The following MGRN1 variants were observed in gnomAD, a reference collection of about 807,000 sequenced individuals.
MGRN1 encodes the protein E3 ubiquitin-protein ligase MGRN1.
In MGRN1, 29 loss-of-function variants were observed where a neutral mutation model predicts 69.2. The observed-to-expected ratio is 0.42, with a 90% confidence interval of 0.31 to 0.57. The LOEUF (loss-of-function observed/expected upper bound fraction) is 0.57, where lower values mean the gene tolerates loss of function less well. Among genes scored for constraint, MGRN1 ranks in the 20% least tolerant of loss-of-function variants. The pLI, the probability that MGRN1 is intolerant of heterozygous loss-of-function variation, is 0.15. For missense variants in MGRN1, 998 were observed against 796.2 expected, an observed-to-expected ratio of 1.25 and a Z score of -3.05; for synonymous variants, 470 against 344.2, an observed-to-expected ratio of 1.37 and a Z score of -4.04.
chr16:4,670,588 C>T (rs769514657), intron 8 of MGRN1, among the ~76,000 whole-genome samples: 6 of 152,214 alleles, frequency 3.9e-5, no homozygotes, highest in Non-Finnish European at 8.8e-5. Context: ...GGTGCAGTGG[C>T]TTATGCCTAT....
chr16:4,658,184 G>A (rs1027275071), intron 5 of MGRN1, among the ~76,000 whole-genome samples: 3 of 151,828 alleles, frequency 2.0e-5, no homozygotes, highest in East Asian at 1.9e-4. Context: ...GTTTTCCAGC[G>A]TCCATCTGGT....
At chr16:4,675,323 C>T (rs954203773) in intron 10 of MGRN1, among the ~76,000 whole-genome samples, 2 of 152,144 alleles carry the variant, frequency 1.3e-5, no homozygotes, top group African/African-American at 4.8e-5. Flanking sequence ...GTTGCCCAGC[C>T]TGGTCTCGAA....
Position 4,671,468 on chromosome 16 carries a change from C to G in MGRN1, c.795+9C>G. 6.2e-7 allele frequency: 1 copy of G among 1,613,616 alleles called. No individual in the cohort carries two copies. On this transcript the variant is annotated intron_variant, in intron 9 of 16. Transcript: ENST00000262370. ...ACAACCAGGAGACCAAGGTGTGTAT[C>G]TGGGTGAGGTTTCCCTCTGCCATTA... is the stretch of plus-strand genomic sequence containing the variant.
chr16:4,688,052 G>C, intron 16 of MGRN1: 1 of 985,552 alleles, frequency 1.0e-6, no homozygotes, highest in South Asian at 4.7e-5. Context: ...AGGGCTCACA[G>C]CCTCGGAAAC....
At chr16:4,630,072 G>A (rs1103156) in intron 1 of MGRN1, among the ~76,000 whole-genome samples, 12 of 138,942 alleles carry the variant, frequency 8.6e-5, no homozygotes, top group Non-Finnish European at 1.7e-4. Flanking sequence ...AAAAAAAAGC[G>A]CAGGTGCAGT....
intron 16 of MGRN1, chr16:4,686,336 C>G: frequency 1.3e-6 from 2 of 1,540,700 alleles, no homozygotes; most frequent in East Asian, 2.4e-5. Context: ...TTCGGGGGCT[C>G]TGACGCGCGT....
intron 16 of MGRN1, chr16:4,686,236 T>C (rs1374034508): frequency 4.1e-5 from 63 of 1,540,950 alleles, no homozygotes; most frequent in Non-Finnish European, 5.0e-5. Flanking sequence ...AGCTTCCGTC[T>C]GTCTCTCCCC....
chr16:4,679,882 C>G (rs1051380491), intron 11 of MGRN1, 150 bp from the exon 12 acceptor site: 5 of 745,584 alleles, frequency 6.7e-6, no homozygotes, highest in Middle Eastern at 3.8e-4. Context: ...TCAACCCTCA[C>G]TTAGGACAGT....
In MGRN1 at chr16:4,652,764, C is replaced by G; in HGVS notation, c.383C>G (p.Ala128Gly). 1.2e-6 allele frequency: 2 copies of G among 1,612,124 alleles called. No individual in the cohort carries two copies. The change falls in exon 4 of 17, where the codon GCC becomes GGC. Residue 128 changes from alanine to glycine, a missense_variant. Physicochemically the swap from Ala to Gly is moderately conservative, Grantham distance 60. Coordinates refer to ENST00000262370, the MANE Select transcript of MGRN1 (RefSeq NM_015246.4). ...YSLEFTFDAD[A>G]RVAITIYCQA... The stretch of plus-strand genomic sequence containing the variant: ...CTGGAGTTCACCTTCGACGCCGATG[C>G]CCGCGTGGCCATCACCATCTACTGC...
chr16:4,680,721 G>A, intron 12 of MGRN1: 1 of 152,646 alleles, frequency 6.6e-6, no homozygotes. Flanking sequence ...TTGGAGGCAG[G>A]TATGGGAGCA....
chr16:4,646,046 G>A (rs141269147), intron 1 of MGRN1, among the ~76,000 whole-genome samples: 1 of 152,304 alleles, frequency 6.6e-6, no homozygotes, highest in African/African-American at 2.4e-5. Flanking sequence ...AGAGTGTAGT[G>A]GCTTAGCACA....
intron 2 of MGRN1, among the ~76,000 whole-genome samples, chr16:4,651,536 A>G (rs948446502): frequency 2.6e-5 from 4 of 152,112 alleles, no homozygotes; most frequent in Non-Finnish European, 5.9e-5. Flanking sequence ...GCCTCAGGGG[A>G]CAGGAGGCCG....
intron 10 of MGRN1, 70 bp from the exon 11 acceptor site, chr16:4,677,393 G>A: frequency 1.6e-6 from 2 of 1,269,748 alleles, no homozygotes; most frequent in Middle Eastern, 2.7e-4. Context: ...GTTGATCCCT[G>A]GGGCTGGGAG....
chr16:4,628,605 C>T lies in MGRN1; in HGVS notation c.88+3557C>T, dbSNP rs993527055. Among the ~76,000 whole-genome samples the T allele has an allele frequency of 3.3e-5, 5 of 152,140 alleles. No individual in the cohort carries two copies. In the South Asian group the frequency reaches 1.0e-3, roughly 32 times the overall value. On this transcript the variant is annotated intron_variant, in intron 1 of 16. Coordinates refer to ENST00000262370, the MANE Select transcript of MGRN1 (RefSeq NM_015246.4). ...TGTCGCCCAGGTTGCAATGCAGTGG[C>T]ATGATCTCGGCTCAGTGCAACGTCC... is the stretch of plus-strand genomic sequence containing the variant.
chr16:4,638,834 C>G (rs2078090444), intron 1 of MGRN1, among the ~76,000 whole-genome samples: 1 of 152,216 alleles, frequency 6.6e-6, no homozygotes, highest in Non-Finnish European at 1.5e-5. Flanking sequence ...CTTCCCACTC[C>G]CCCTTCCTCG....
chr16:4,684,368 G>T (rs1017462600), intron 16 of MGRN1, among the ~76,000 whole-genome samples: 2 of 152,250 alleles, frequency 1.3e-5, no homozygotes, highest in Non-Finnish European at 2.9e-5. Context: ...TGCCACGTGC[G>T]CTCCTGGCAG....
At position 4,675,478 on chromosome 16, in the gene MGRN1, C is replaced by T. The variant is rs915703222; in HGVS notation, c.955+1821C>T. Among the ~76,000 whole-genome samples, 7 of 152,226 alleles carry T rather than the reference C, an allele frequency of 4.6e-5. No homozygotes were observed. The South Asian group carries it at 8.3e-4, about 18-fold the overall frequency. On this transcript the variant is annotated intron_variant, in intron 10 of 16. Transcript: ENST00000262370. ...AGCATAACGCTGGTTGCAGATCACA[C>T]CTATAATCCCAGCACTTTGGGAGGT...
At chr16:4,678,867 C>G (rs1448435729) in intron 11 of MGRN1, among the ~76,000 whole-genome samples, 2 of 152,264 alleles carry the variant, frequency 1.3e-5, no homozygotes, top group African/African-American at 2.4e-5. Context: ...CTCCCAAGCC[C>G]CCTTGATCAG....
chr16:4,654,047 C>T (rs571738982), intron 4 of MGRN1, among the ~76,000 whole-genome samples: 11 of 152,264 alleles, frequency 7.2e-5, no homozygotes, highest in South Asian at 2.1e-4. Flanking sequence ...CCCCCATGCC[C>T]GGCCCACCTG....
Sources: gnomAD v4.1 joint callset for allele counts (sites outside exome capture counted in the v4.1 genomes callset) on GRCh38, gnomAD v4.1.1 for gene constraint, MANE v1.5 for transcripts, NCBI Gene and HGNC (gene_info 2026-07-23, HGNC 2026-07-21) for gene names.